SNX30: variants seen among roughly 807,000 people sequenced by gnomAD.
SNX30 encodes sorting nexin family member 30.
In SNX30, 24 loss-of-function variants were observed where a neutral mutation model predicts 46.4. The observed-to-expected ratio is 0.52, with a 90% CI of 0.37 to 0.73. The LOEUF (loss-of-function observed/expected upper bound fraction) is 0.73, where lower values mean the gene tolerates loss of function less well. Ranked by LOEUF, SNX30 falls within the 30% of genes least tolerant of loss-of-function variation. SNX30 has a pLI of 0.00. For synonymous variants in SNX30, 189 were observed against 211.5 expected, an observed-to-expected ratio of 0.89 and a Z score of 0.92; for missense variants, 533 against 555.7, an observed-to-expected ratio of 0.96 and a Z score of 0.41.
chr9:112,793,447 G>A (rs1413646083), intron 1 of SNX30, among the ~76,000 whole-genome samples: 3 of 152,196 alleles, frequency 2.0e-5, no homozygotes, highest in Non-Finnish European at 4.4e-5. Context: ...GTATTTGCCT[G>A]TGCTTGGCAT....
At chr9:112,860,464 G>C (rs962074047) in intron 7 of SNX30, among the ~76,000 whole-genome samples, 1 of 152,160 alleles carries the variant, frequency 6.6e-6, no homozygotes, top group South Asian at 2.1e-4. Flanking sequence ...GGTGGCATTA[G>C]TGCCACCCTA....
chr9:112,798,356 C>T (rs1379776098), intron 1 of SNX30, among the ~76,000 whole-genome samples: 1 of 35,834 alleles, frequency 2.8e-5, no homozygotes, highest in Non-Finnish European at 5.5e-5. Flanking sequence ...TCAATTCCCA[C>T]CTATGAGTGA....
intron 4 of SNX30, among the ~76,000 whole-genome samples, 191 bp from the exon 5 acceptor site, chr9:112,836,023 A>T (rs1362450862): frequency 6.6e-6 from 1 of 152,238 alleles, no homozygotes; most frequent in South Asian, 2.1e-4. Context: ...GTCAACCTAC[A>T]GGAGCCTGAG....
intron 6 of SNX30, among the ~76,000 whole-genome samples, chr9:112,839,676 T>A (rs1458114901): frequency 2.0e-5 from 3 of 152,192 alleles, no homozygotes; most frequent in Non-Finnish European, 4.4e-5. Context: ...AAAAGATACG[T>A]GGTTCAGTGT....
chr9:112,814,430 A>G (rs1840366151), intron 2 of SNX30, among the ~76,000 whole-genome samples: 3 of 152,018 alleles, frequency 2.0e-5, no homozygotes, highest in Admixed American at 1.3e-4. Flanking sequence ...TTGTAGAGAC[A>G]GGGTTTTGCC....
intron 1 of SNX30, among the ~76,000 whole-genome samples, chr9:112,777,044 A>G (rs1035288766): frequency 6.6e-6 from 1 of 151,964 alleles, no homozygotes; most frequent in African/African-American, 2.4e-5. Flanking sequence ...GACCCTATAT[A>G]GCAAATCCCA....
At chr9:112,838,120 G>T (rs1055541731) in intron 5 of SNX30, among the ~76,000 whole-genome samples, 1 of 151,634 alleles carries the variant, frequency 6.6e-6, no homozygotes, top group Admixed American at 6.6e-5. Flanking sequence ...TCGATCTCCT[G>T]ACCTTGTGAT....
chr9:112,822,718 A>C (rs953041948), intron 3 of SNX30, among the ~76,000 whole-genome samples: 1 of 152,172 alleles, frequency 6.6e-6, no homozygotes, highest in Non-Finnish European at 1.5e-5. Flanking sequence ...AAAATATGAC[A>C]TGGAAAATTC....
chr9:112,884,162 C>T (rs1233850207), downstream of SNX30, among the ~76,000 whole-genome samples: 8 of 152,202 alleles, frequency 5.3e-5, no homozygotes, highest in African/African-American at 1.4e-4. Context: ...GGCATGAAAT[C>T]GGCTCACTTT....
At chr9:112,810,292 T>G (rs909873801) in intron 2 of SNX30, among the ~76,000 whole-genome samples, 4 of 152,174 alleles carry the variant, frequency 2.6e-5, no homozygotes, top group Admixed American at 1.3e-4. Context: ...GGTTGTAGAA[T>G]GTATCGTGTC....
intron 4 of SNX30, among the ~76,000 whole-genome samples, chr9:112,833,859 A>G (rs1018890306): frequency 2.0e-5 from 3 of 152,124 alleles, no homozygotes; most frequent in African/African-American, 4.8e-5. Flanking sequence ...AGAAGGGGAG[A>G]TGGAATCTTT....
At chr9:112,846,775 C>G (rs1349268378) in intron 6 of SNX30, among the ~76,000 whole-genome samples, 1 of 152,154 alleles carries the variant, frequency 6.6e-6, no homozygotes, top group African/African-American at 2.4e-5. Flanking sequence ...CATCCTAGCT[C>G]CCCTCTTCCA....
intron 7 of SNX30, among the ~76,000 whole-genome samples, chr9:112,857,505 TC>T (rs1841153703): frequency 6.6e-6 from 1 of 152,144 alleles, no homozygotes; most frequent in Non-Finnish European, 1.5e-5. Context: ...GGGAGCCCTG[TC>T]CCCTGCTCAC....
intron 1 of SNX30, among the ~76,000 whole-genome samples, chr9:112,795,127 A>G (rs758396713): frequency 6.6e-6 from 1 of 152,134 alleles, no homozygotes; most frequent in Non-Finnish European, 1.5e-5. Context: ...ACCCAGCCTC[A>G]TAGTTTATAA....
chr9:112,844,408 G>A (rs2131469677), intron 6 of SNX30, among the ~76,000 whole-genome samples: 1 of 152,210 alleles, frequency 6.6e-6, no homozygotes, highest in East Asian at 1.9e-4. Context: ...TAGAAATTTG[G>A]GAGTCATTAG....
intron 2 of SNX30, 27 bp downstream of exon 2, chr9:112,804,994 G>T (rs377272058): frequency 1.3e-6 from 2 of 1,530,366 alleles, no homozygotes; most frequent in Middle Eastern, 1.7e-4. Context: ...TAGAATGCCC[G>T]TGTTGAGTGG....
At chr9:112,884,989 C>T (rs1301120348), downstream of SNX30, among the ~76,000 whole-genome samples, 1 of 152,142 alleles carries the variant, frequency 6.6e-6, no homozygotes. Context: ...ACCCATTCAG[C>T]CAGGACTCAT....
At chr9:112,777,201 G>A (rs1247667222) in intron 1 of SNX30, among the ~76,000 whole-genome samples, 2 of 151,966 alleles carry the variant, frequency 1.3e-5, no homozygotes, top group Non-Finnish European at 2.9e-5. Flanking sequence ...GATGGCATCC[G>A]TTCCTGTTTT....
At chr9:112,881,008 CTCAAGA>C (rs1410269863) in intron 5 of SNX30, among the ~76,000 whole-genome samples, 3 of 152,218 alleles carry the variant, frequency 2.0e-5, no homozygotes, top group African/African-American at 7.2e-5. Flanking sequence ...CCATCTATAT[CTCAAGA>C]TCAAGATTAA....
Sources: allele counts gnomAD v4.1 joint callset (sites outside exome capture counted in the v4.1 genomes callset), GRCh38; gene constraint gnomAD v4.1.1; transcripts MANE v1.5; gene names NCBI Gene and HGNC (gene_info 2026-07-23, HGNC 2026-07-21).